The following CEP83 variants were observed in gnomAD, a reference collection of about 807,000 sequenced individuals.
CEP83 encodes centrosomal protein 83.
CEP83 carries 70 observed loss-of-function variants against 101.9 expected under a neutral mutation model. The ratio of observed to expected loss-of-function variants is 0.69; its 90% CI spans 0.57 to 0.84. The LOEUF is 0.84. CEP83 is among the 40% of genes least tolerant of loss of function. CEP83 has a pLI of 0.00. For synonymous variants in CEP83, 264 were observed against 267.9 expected (o/e 0.99, Z 0.14); for missense variants, 715 against 787.2 (o/e 0.91, Z 1.10).
At chr12:94,271,630 T>C in the CEP83 span, among the ~76,000 whole-genome samples, 1 of 152,256 alleles carries the variant, frequency 6.6e-6, no homozygotes. Context: ...TTTCCTCTTC[T>C]GTAAACAGGC....
At chr12:94,385,950 T>C (rs2062119729) in intron 6 of CEP83, among the ~76,000 whole-genome samples, 1 of 152,234 alleles carries the variant, frequency 6.6e-6, no homozygotes, top group South Asian at 2.1e-4. Context: ...AGTACAGTGA[T>C]ATGCTTTACA....
chr12:94,436,902 GC>G (rs1333006598), intron 1 of CEP83, among the ~76,000 whole-genome samples: 1 of 151,136 alleles, frequency 6.6e-6, no homozygotes, highest in African/African-American at 2.4e-5. Context: ...AATGAATAAA[GC>G]CTCCAAGAAA....
At chr12:94,394,654 A>G (rs867768730) in intron 6 of CEP83, among the ~76,000 whole-genome samples, 1 of 152,252 alleles carries the variant, frequency 6.6e-6, no homozygotes, top group Non-Finnish European at 1.5e-5. Context: ...GAGCTTCTGC[A>G]TGGCAAAAGA....
downstream of CEP83, among the ~76,000 whole-genome samples, chr12:94,304,716 CATG>C (rs1224453258): frequency 1.3e-5 from 2 of 152,224 alleles, no homozygotes; most frequent in East Asian, 3.9e-4. Flanking sequence ...AGTTCTTAAA[CATG>C]ATAAGCATCC....
chr12:94,349,178 C>T (rs1018198657), intron 11 of CEP83, among the ~76,000 whole-genome samples: 9 of 150,610 alleles, frequency 6.0e-5, no homozygotes, highest in Admixed American at 6.6e-5. Context: ...CCCAGCTACT[C>T]GGGAGGCTGA....
chr12:94,307,628 T>C (rs1306421941), downstream of CEP83: 1 of 152,126 alleles, frequency 6.6e-6, no homozygotes, highest in Non-Finnish European at 1.5e-5. Context: ...TGGAGATGAA[T>C]GTTTTAAATG....
At chr12:94,381,748 T>C (rs1476119644) in intron 6 of CEP83, among the ~76,000 whole-genome samples, 3 of 152,166 alleles carry the variant, frequency 2.0e-5, no homozygotes, top group Non-Finnish European at 2.9e-5. Flanking sequence ...AATAAGTCTG[T>C]CGTCATTATC....
intron 7 of CEP83, among the ~76,000 whole-genome samples, chr12:94,376,433 G>GA (rs1300726647): frequency 3.3e-5 from 5 of 151,030 alleles, no homozygotes; most frequent in Non-Finnish European, 7.4e-5. Flanking sequence ...AGTAAAAATT[G>GA]AAAATCTAAA....
chr12:94,351,705 G>A (rs960439814), intron 11 of CEP83, among the ~76,000 whole-genome samples: 7 of 152,144 alleles, frequency 4.6e-5, no homozygotes, highest in Non-Finnish European at 7.4e-5. Context: ...CATAACTGGT[G>A]AAGCAGAAAT....
chr12:94,443,044 C>T (rs1454764986), intron 1 of CEP83, among the ~76,000 whole-genome samples: 4 of 152,192 alleles, frequency 2.6e-5, no homozygotes, highest in Non-Finnish European at 4.4e-5. Flanking sequence ...CATACATTGC[C>T]TTCGTCACTA....
intron 2 of CEP83, chr12:94,424,899 A>G: frequency 1.3e-6 from 2 of 1,599,636 alleles, no homozygotes; most frequent in East Asian, 2.2e-5. Context: ...AATGACACAT[A>G]TGGCTTCTTG....
At chr12:94,438,816 T>A (rs536836710) in intron 1 of CEP83, among the ~76,000 whole-genome samples, 10 of 152,154 alleles carry the variant, frequency 6.6e-5, no homozygotes, top group Non-Finnish European at 1.3e-4. Context: ...CAAAATTATA[T>A]CAAATATTCT....
chr12:94,275,688 C>A, the CEP83 span, among the ~76,000 whole-genome samples: 5 of 123,734 alleles, frequency 4.0e-5, 1 homozygote, highest in African/African-American at 1.6e-4. Context: ...CCCGTCTCTA[C>A]TAAAAAAATA....
the CEP83 span, among the ~76,000 whole-genome samples, chr12:94,296,327 C>G: frequency 1.3e-5 from 2 of 152,050 alleles, no homozygotes; most frequent in Non-Finnish European, 2.9e-5. Flanking sequence ...TGCTCAGATA[C>G]TCTTTAAAAT....
At chr12:94,456,436 G>A (rs1004594368) in intron 1 of CEP83, among the ~76,000 whole-genome samples, 1 of 152,166 alleles carries the variant, frequency 6.6e-6, no homozygotes, top group Non-Finnish European at 1.5e-5. Flanking sequence ...ATCTGTCATT[G>A]TATTAGTCCA....
chr12:94,394,333 C>T (rs1055380860), intron 6 of CEP83, among the ~76,000 whole-genome samples: 3 of 152,144 alleles, frequency 2.0e-5, no homozygotes, highest in Non-Finnish European at 4.4e-5. Context: ...CATCTACAAC[C>T]ATCTGATATT....
At chr12:94,368,290 A>T in intron 9 of CEP83, 89 bp from the exon 10 acceptor site, 1 of 922,236 alleles carries the variant, frequency 1.1e-6, no homozygotes, top group Non-Finnish European at 1.6e-6. Flanking sequence ...TAAGCTGGTA[A>T]GACAAATGAA....
chr12:94,428,386 T>C (rs561402193), intron 2 of CEP83, among the ~76,000 whole-genome samples: 3 of 152,348 alleles, frequency 2.0e-5, no homozygotes, highest in Non-Finnish European at 2.9e-5. Flanking sequence ...TCTTCTGAAA[T>C]AGAAAAGGCT....
intron 8 of CEP83, among the ~76,000 whole-genome samples, chr12:94,371,913 C>T (rs2061327188): frequency 2.6e-5 from 4 of 152,172 alleles, no homozygotes. Flanking sequence ...CAAATTAACT[C>T]GTAGATTTTT....
Sources: allele counts gnomAD v4.1 joint callset (sites outside exome capture counted in the v4.1 genomes callset), GRCh38; gene constraint gnomAD v4.1.1; transcripts MANE v1.5; gene names NCBI Gene and HGNC (gene_info 2026-07-23, HGNC 2026-07-21).